The following PTGER3 variants were observed in gnomAD, a reference collection of about 807,000 sequenced individuals.
PTGER3 encodes prostaglandin E2 receptor EP3 subtype.
Under a neutral mutation model 34.7 loss-of-function variants are expected in PTGER3, and 22 were observed. That is an observed-to-expected ratio of 0.63 (90% CI 0.45 to 0.91). The LOEUF (loss-of-function observed/expected upper bound fraction) is 0.91, where lower values mean the gene tolerates loss of function less well. PTGER3 is among the 40% of genes least tolerant of loss of function. The pLI is 0.00. For missense variants in PTGER3, 468 were observed against 519.4 expected (o/e 0.90, Z 0.96); for synonymous variants, 241 against 230.1 (o/e 1.05, Z -0.43).
intron 2 of PTGER3, among the ~76,000 whole-genome samples, chr1:70,975,764 A>G (rs1653627740): frequency 6.6e-6 from 1 of 152,192 alleles, no homozygotes; most frequent in Non-Finnish European, 1.5e-5. Flanking sequence ...GGCAATTTGC[A>G]CAGAAATTTT....
chr1:71,023,268 T>C (rs1379098274), intron 1 of PTGER3, among the ~76,000 whole-genome samples: 1 of 151,968 alleles, frequency 6.6e-6, no homozygotes, highest in Non-Finnish European at 1.5e-5. Flanking sequence ...TAATTGAATG[T>C]AGCTGTCTCT....
At chr1:70,943,445 C>A (rs1479895226) in intron 4 of PTGER3, among the ~76,000 whole-genome samples, 2 of 151,786 alleles carry the variant, frequency 1.3e-5, no homozygotes, top group Non-Finnish European at 2.9e-5. Context: ...AGTTTCTATA[C>A]CTTTGCAGAT....
chr1:70,910,556 G>A (rs1647038626), intron 4 of PTGER3, among the ~76,000 whole-genome samples: 1 of 152,164 alleles, frequency 6.6e-6, no homozygotes, highest in Admixed American at 6.5e-5. Context: ...TTACAGGTAT[G>A]AGCCACTGAC....
At chr1:70,901,363 C>T (rs535746056) in intron 4 of PTGER3, among the ~76,000 whole-genome samples, 5 of 152,060 alleles carry the variant, frequency 3.3e-5, no homozygotes, top group Non-Finnish European at 7.4e-5. Context: ...TGGTTTCAAC[C>T]AAGAGTTTAT....
intron 1 of PTGER3, among the ~76,000 whole-genome samples, chr1:71,025,374 A>T (rs1658835564): frequency 6.6e-6 from 1 of 152,002 alleles, no homozygotes; most frequent in Admixed American, 6.6e-5. Flanking sequence ...TATTTAAAAT[A>T]AAATATATTG....
In PTGER3 at chr1:71,019,624, G is replaced by C. The variant is rs143651809; in HGVS notation, c.898-7140C>G. 8.5e-4 allele frequency among the ~76,000 whole-genome samples: 130 copies of C among 152,254 alleles called. 1 individual carries two copies. The highest frequency in any genetic ancestry group is 2.7e-3 in the African/African-American group (114 of 41,550). On this transcript the variant is annotated intron_variant, in intron 1 of 3. Transcript: ENST00000306666. ...TTCCCCAGTGATAACGTTCTTTTAA[G>C]TGTTCAAAGCATTAATCAGGGAGGC... is the stretch of plus-strand genomic sequence containing the variant.
chr1:70,965,636 T>C (rs1320982051), intron 2 of PTGER3, among the ~76,000 whole-genome samples: 1 of 152,172 alleles, frequency 6.6e-6, no homozygotes, highest in Non-Finnish European at 1.5e-5. Context: ...TCTTATTCTT[T>C]ACCAACACCA....
chr1:70,989,186 G>T (rs72671020), intron 2 of PTGER3, among the ~76,000 whole-genome samples: 2,240 of 152,230 alleles, frequency 0.015, 21 homozygotes, highest in Non-Finnish European at 0.02. Context: ...AAATCAGAAT[G>T]CTTGAAGCTT....
intron 2 of PTGER3, among the ~76,000 whole-genome samples, chr1:70,996,895 C>G (rs1002310058): frequency 1.3e-5 from 2 of 152,104 alleles, no homozygotes; most frequent in African/African-American, 4.8e-5. Flanking sequence ...ATCTCCTGAC[C>G]TCGTGATCCG....
At chr1:70,976,523 C>T (rs479934) in intron 2 of PTGER3, among the ~76,000 whole-genome samples, 119,116 of 152,030 alleles carry the variant, frequency 0.78, 46,947 homozygotes, top group East Asian at 0.96. Context: ...TAAAAAATTG[C>T]TGTATATTGG....
At chr1:70,883,428 T>G (rs1328374666) in intron 4 of PTGER3, among the ~76,000 whole-genome samples, 3 of 152,258 alleles carry the variant, frequency 2.0e-5, no homozygotes, top group African/African-American at 7.2e-5. Flanking sequence ...AACATATTTC[T>G]GTTTTCTTTT....
chr1:71,013,903 G>C (rs143614059), intron 1 of PTGER3, among the ~76,000 whole-genome samples: 2 of 152,200 alleles, frequency 1.3e-5, no homozygotes, highest in African/African-American at 4.8e-5. Context: ...GAAATGAGCT[G>C]AGTTTGTAAC....
At chr1:70,874,477 A>G (rs1646231264) in intron 4 of PTGER3, among the ~76,000 whole-genome samples, 1 of 151,810 alleles carries the variant, frequency 6.6e-6, no homozygotes, top group Non-Finnish European at 1.5e-5. Context: ...ACATTTTTTC[A>G]GTGTTTCATT....
intron 4 of PTGER3, among the ~76,000 whole-genome samples, chr1:70,863,673 T>C (rs1332768264): frequency 6.6e-6 from 1 of 150,644 alleles, no homozygotes; most frequent in African/African-American, 2.4e-5. Flanking sequence ...TCAAAGCACA[T>C]CACATATATA....
intron 2 of PTGER3, chr1:71,006,224 A>AC (rs1379486136): frequency 2.0e-6 from 2 of 985,332 alleles, no homozygotes; most frequent in African/African-American, 3.5e-5. Flanking sequence ...TAGGCCTAGA[A>AC]CCCCCACATG....
At chr1:70,995,581 T>A (rs1415230010) in intron 2 of PTGER3, among the ~76,000 whole-genome samples, 1 of 152,150 alleles carries the variant, frequency 6.6e-6, no homozygotes, top group African/African-American at 2.4e-5. Flanking sequence ...TTTAAAAAAA[T>A]TTTAGAATTA....
intron 1 of PTGER3, among the ~76,000 whole-genome samples, chr1:71,020,106 A>G (rs1339566399): frequency 6.6e-6 from 1 of 152,178 alleles, no homozygotes; most frequent in Non-Finnish European, 1.5e-5. Context: ...GCATGGGAAG[A>G]AGCTTCACTG....
intron 3 of PTGER3, among the ~76,000 whole-genome samples, chr1:70,973,265 A>T (rs373376202): frequency 6.9e-6 from 1 of 144,820 alleles, no homozygotes; most frequent in Non-Finnish European, 1.5e-5. Flanking sequence ...ATAGATAGAT[A>T]GATGATAGAT....
chr1:70,922,353 G>C (rs201527783), intron 4 of PTGER3, among the ~76,000 whole-genome samples: 1 of 152,036 alleles, frequency 6.6e-6, no homozygotes, highest in South Asian at 2.1e-4. Flanking sequence ...TAGATGGTCT[G>C]TGTGAGTCAT....
Sources: allele counts gnomAD v4.1 joint callset (sites outside exome capture counted in the v4.1 genomes callset), GRCh38; gene constraint gnomAD v4.1.1; transcripts MANE v1.5; gene names NCBI Gene and HGNC (gene_info 2026-07-23, HGNC 2026-07-21).